Variants in ADGRB3 observed in about 807,000 individuals in gnomAD.
ADGRB3 encodes brain-specific angiogenesis inhibitor 3.
A neutral mutation model predicts 193.4 loss-of-function variants in ADGRB3; 37 were observed. The ratio of observed to expected loss-of-function variants is 0.19; its 90% CI spans 0.15 to 0.25. The LOEUF is 0.25. ADGRB3 is among the 10% of genes least tolerant of loss of function. The pLI is 1.00. For synonymous variants in ADGRB3, 690 were observed against 644.2 expected, an observed-to-expected ratio of 1.07 and a Z score of -1.08; for missense variants, 1,637 against 1,852.9, an observed-to-expected ratio of 0.88 and a Z score of 2.14.
At chr6:68,853,572 T>A (rs137913956) in intron 3 of ADGRB3, among the ~76,000 whole-genome samples, 34 of 152,224 alleles carry the variant, frequency 2.2e-4, no homozygotes, top group African/African-American at 6.7e-4. Context: ...CTGTCCATAT[T>A]TTGATTAAGA....
chr6:69,320,851 G>A (rs571335985), intron 20 of ADGRB3, among the ~76,000 whole-genome samples: 3 of 151,358 alleles, frequency 2.0e-5, no homozygotes, highest in Non-Finnish European at 3.0e-5. Context: ...GTGTGTGTGT[G>A]TGTATCTTTA....
chr6:69,031,535 T>TTC (rs1362585655), intron 13 of ADGRB3, among the ~76,000 whole-genome samples: 1 of 57,740 alleles, frequency 1.7e-5, no homozygotes, highest in African/African-American at 4.3e-5. Context: ...CTTTCTTTCT[T>TTC]TCTTTCTTTC....
chr6:69,273,790 G>A (rs1188567850), intron 20 of ADGRB3, among the ~76,000 whole-genome samples: 9 of 152,206 alleles, frequency 5.9e-5, no homozygotes, highest in African/African-American at 1.9e-4. Flanking sequence ...CTGCTAGTGG[G>A]AGAGGGGATC....
intron 30 of ADGRB3, among the ~76,000 whole-genome samples, chr6:69,377,897 G>A (rs1769864915): frequency 6.6e-6 from 1 of 152,032 alleles, no homozygotes; most frequent in South Asian, 2.1e-4. Context: ...AATAAAATCA[G>A]AATGAGGAGG....
intron 10 of ADGRB3, among the ~76,000 whole-genome samples, chr6:68,986,449 T>C (rs1006957086): frequency 5.9e-5 from 9 of 152,172 alleles, no homozygotes; most frequent in East Asian, 1.9e-4. Context: ...GTTTCCACTT[T>C]AGGGCAACTC....
At chr6:68,999,741 A>G (rs906808380) in intron 11 of ADGRB3, among the ~76,000 whole-genome samples, 4 of 152,186 alleles carry the variant, frequency 2.6e-5, no homozygotes, top group African/African-American at 4.8e-5. Context: ...ACACAACATC[A>G]TAATTATTGT....
intron 10 of ADGRB3, among the ~76,000 whole-genome samples, chr6:68,990,671 T>G (rs1402986566): frequency 6.6e-6 from 1 of 152,176 alleles, no homozygotes; most frequent in Non-Finnish European, 1.5e-5. Context: ...AAAGCATGTC[T>G]AAATGTTTTA....
chr6:69,323,450 C>G (rs1768504847), intron 20 of ADGRB3, among the ~76,000 whole-genome samples: 1 of 151,968 alleles, frequency 6.6e-6, no homozygotes. Flanking sequence ...TTGGTTAAAG[C>G]TACTGCATTA....
At chr6:69,210,297 C>A (rs1240689186) in intron 17 of ADGRB3, among the ~76,000 whole-genome samples, 1 of 151,504 alleles carries the variant, frequency 6.6e-6, no homozygotes, top group East Asian at 1.9e-4. Flanking sequence ...TGTTCAAGGG[C>A]AGGGAGCATC....
intron 17 of ADGRB3, among the ~76,000 whole-genome samples, chr6:69,180,582 G>A (rs1208797550): frequency 6.6e-6 from 1 of 152,128 alleles, no homozygotes; most frequent in Non-Finnish European, 1.5e-5. Flanking sequence ...ATTATCTCAG[G>A]AGAGCAGGCT....
chr6:68,704,425 C>T (rs967526844), intron 3 of ADGRB3, among the ~76,000 whole-genome samples: 1 of 152,148 alleles, frequency 6.6e-6, no homozygotes, highest in African/African-American at 2.4e-5. Flanking sequence ...TTTGAATTCA[C>T]CTACTTTAAA....
chr6:68,656,463 C>T (rs2585624), intron 3 of ADGRB3, among the ~76,000 whole-genome samples: 141,034 of 151,540 alleles, frequency 0.93, 65,785 homozygotes, highest in East Asian at 1. Context: ...GTAATATACA[C>T]GAAATCTATT....
At chr6:68,947,655 G>A (rs1767808583) in intron 6 of ADGRB3, among the ~76,000 whole-genome samples, 1 of 152,050 alleles carries the variant, frequency 6.6e-6, no homozygotes, top group Non-Finnish European at 1.5e-5. Flanking sequence ...ATATAATTGT[G>A]TCACTCATCT....
intron 29 of ADGRB3, among the ~76,000 whole-genome samples, chr6:69,369,695 C>CAA (rs913608447): frequency 3.9e-4 from 23 of 59,432 alleles, no homozygotes; most frequent in South Asian, 1.1e-3. Context: ...AAGACCATTT[C>CAA]AAAAAAAAAA....
intron 3 of ADGRB3, among the ~76,000 whole-genome samples, chr6:68,866,290 T>C (rs1001537340): frequency 3.3e-5 from 5 of 152,186 alleles, no homozygotes; most frequent in Non-Finnish European, 5.9e-5. Flanking sequence ...TGAGATATGA[T>C]GGTTCAAAAG....
chr6:68,641,913 TATA>T (rs1327241555), intron 3 of ADGRB3, among the ~76,000 whole-genome samples: 1 of 152,042 alleles, frequency 6.6e-6, no homozygotes, highest in Non-Finnish European at 1.5e-5. Context: ...TAAACTACCA[TATA>T]ATGACATAGA....
At chr6:69,320,415 G>C (rs1490862980) in intron 20 of ADGRB3, among the ~76,000 whole-genome samples, 2 of 151,320 alleles carry the variant, frequency 1.3e-5, no homozygotes, top group African/African-American at 4.8e-5. Context: ...TAGACATGGA[G>C]ACTTACCACT....
chr6:69,107,164 G>A (rs1773238848), intron 17 of ADGRB3, among the ~76,000 whole-genome samples: 1 of 152,108 alleles, frequency 6.6e-6, no homozygotes, highest in African/African-American at 2.4e-5. Flanking sequence ...TTAAGCTTCT[G>A]TAAGAGAATT....
At chr6:68,793,695 AT>A (rs965283637) in intron 3 of ADGRB3, among the ~76,000 whole-genome samples, 1 of 152,012 alleles carries the variant, frequency 6.6e-6, no homozygotes, top group African/African-American at 2.4e-5. Context: ...TGCTCGGCTA[AT>A]TTTTTTATTT....
Sources: allele counts gnomAD v4.1 joint callset (sites outside exome capture counted in the v4.1 genomes callset), GRCh38; gene constraint gnomAD v4.1.1; transcripts MANE v1.5; gene names NCBI Gene and HGNC (gene_info 2026-07-23, HGNC 2026-07-21).